The following USP40 variants were observed in gnomAD, a reference collection of about 807,000 sequenced individuals.
The protein encoded by USP40 is ubiquitin carboxyl-terminal hydrolase 40.
USP40 carries 143 observed loss-of-function variants against 166.2 expected under a neutral mutation model. The observed-to-expected ratio is 0.86, with a 90% CI of 0.75 to 0.99. The LOEUF is 0.99. Ranked by LOEUF, USP40 falls within the 50% of genes least tolerant of loss-of-function variation. The pLI, the probability that USP40 is intolerant of heterozygous loss-of-function variation, is 0.00. For missense variants in USP40, 1,444 were observed against 1,479.7 expected (o/e 0.98, Z 0.40); for synonymous variants, 498 against 524.0 (o/e 0.95, Z 0.68).
chr2:233,524,577 C>G lies in USP40; in HGVS notation c.1811-15G>C, dbSNP rs777449240. On this transcript the variant is annotated splice_polypyrimidine_tract_variant and intron_variant, in intron 14 of 31. Coordinates refer to ENST00000678225, the MANE Select transcript of USP40 (RefSeq NM_001365479.2). ...CAGTTCATCCCCTAGAAAGAGATCACCAGTGAGACCATTCATCATGACCAT... is the reference window on the plus strand; with the variant it reads ...CAGTTCATCCCCTAGAAAGAGATCAGCAGTGAGACCATTCATCATGACCAT... 10 of 1,568,930 alleles carry G rather than the reference C, an allele frequency of 6.4e-6. No individual in the cohort carries two copies. In the South Asian group the frequency reaches 1.2e-4, roughly 19 times the overall value.
chr2:233,566,756 G>A lies in USP40; in HGVS notation c.-92C>T, dbSNP rs1380371635. 2.0e-6 allele frequency: 2 copies of A among 985,836 alleles called. No homozygotes were observed. Among genetic ancestry groups the A allele is most frequent in the East Asian group, 1.1e-4 (1 of 8,828 alleles). The allele number at this position is 985,836 out of a possible 1,614,324, so 61.1% of individuals were successfully genotyped here. A position where few individuals can be genotyped will look rare whatever the true frequency, so the allele number is the denominator to read the frequency against. ...ACCCGCCCCAACTGGGCGCCGCCATGTTGGCGAGGGCGGGTCTCCAGAAAG... is the reference window on the plus strand; with the variant it reads ...ACCCGCCCCAACTGGGCGCCGCCATATTGGCGAGGGCGGGTCTCCAGAAAG... On this transcript the variant is annotated 5_prime_UTR_variant, in exon 1 of 32. Coordinates refer to ENST00000678225, the MANE Select transcript of USP40 (RefSeq NM_001365479.2).
At chr2:233,543,278 A>C (rs1219885967) in intron 8 of USP40, among the ~76,000 whole-genome samples, 3 of 152,224 alleles carry the variant, frequency 2.0e-5, no homozygotes, top group Non-Finnish European at 2.9e-5. Flanking sequence ...ATGGCAGGCC[A>C]GATACAACCA....
At chr2:233,547,973 T>C (rs933532660) in intron 8 of USP40, among the ~76,000 whole-genome samples, 8 of 151,970 alleles carry the variant, frequency 5.3e-5, no homozygotes, top group Non-Finnish European at 1.0e-4. Flanking sequence ...TCAAGACTTA[T>C]TACAAAGCTA....
intron 6 of USP40, among the ~76,000 whole-genome samples, chr2:233,552,093 T>C (rs1407935440): frequency 6.6e-6 from 1 of 152,042 alleles, no homozygotes; most frequent in African/African-American, 2.4e-5. Context: ...TCTTGGATTA[T>C]TGGTCTGTGA....
At position 233,480,588 on chromosome 2, in the gene USP40, G is replaced by A. The variant is rs538923189; in HGVS notation, c.3599+615C>T. 1.3e-5 allele frequency among the ~76,000 whole-genome samples: 2 copies of A among 152,276 alleles called. No individual in the cohort carries two copies. The highest frequency in any genetic ancestry group is 2.4e-5 in the African/African-American group (1 of 41,474). On this transcript the variant is annotated intron_variant, in intron 31 of 31. Coordinates refer to ENST00000678225, the MANE Select transcript of USP40 (RefSeq NM_001365479.2). This position sits in a 1 kb window ranked among gnomAD's most constrained non-coding sequence, Gnocchi z 4.5. Reference sequence around the variant, plus strand: ...GCAGCACCTGCTTCCTCCAGTGGCAGTAAGTGCAGAGCCAGACAACGGCAG... The same window carrying A: ...GCAGCACCTGCTTCCTCCAGTGGCAATAAGTGCAGAGCCAGACAACGGCAG...
intron 21 of USP40, among the ~76,000 whole-genome samples, chr2:233,502,365 G>T (rs1385664125): frequency 6.6e-6 from 1 of 152,180 alleles, no homozygotes; most frequent in African/African-American, 2.4e-5. Context: ...AGGACTGGAA[G>T]TGTTGGATTT....
At chr2:233,494,373 C>A (rs1023636194) in intron 24 of USP40, among the ~76,000 whole-genome samples, 6 of 151,826 alleles carry the variant, frequency 4.0e-5, no homozygotes, top group Admixed American at 2.6e-4. Flanking sequence ...GGAATATAAA[C>A]TGCTGAGAAG....
intron 21 of USP40, among the ~76,000 whole-genome samples, chr2:233,506,240 C>T (rs2066409065): frequency 6.6e-6 from 1 of 152,158 alleles, no homozygotes; most frequent in African/African-American, 2.4e-5. Flanking sequence ...CAAGAACACA[C>T]ATTGGGAAAA....
Position 233,511,805 on chromosome 2 carries a change from A to T in USP40, c.2438-8T>A. 1 of 1,594,690 alleles carries T rather than the reference A, an allele frequency of 6.3e-7. No homozygotes were observed. Among genetic ancestry groups the T allele is most frequent in the Non-Finnish European group, 8.5e-7 (1 of 1,170,304 alleles). ...AAGTATAGCTGTCCGGCACTTAAAA[A>T]AATTTTGATAATATGATGAAGGTTA... On this transcript the variant is annotated splice_polypyrimidine_tract_variant and splice_region_variant and intron_variant, in intron 19 of 31. Transcript: ENST00000678225.
chr2:233,491,385 C>T, intron 25 of USP40, 124 bp from the exon 26 acceptor site: 2 of 753,030 alleles, frequency 2.7e-6, no homozygotes, highest in East Asian at 5.4e-5. Flanking sequence ...GCCTCTGCAT[C>T]CAAGTCTTAT....
chr2:233,535,151 C>A (rs151247309), intron 10 of USP40, among the ~76,000 whole-genome samples: 7 of 152,228 alleles, frequency 4.6e-5, no homozygotes, highest in South Asian at 2.1e-4. Context: ...CGAGATCCCA[C>A]GAAGGAGCCC....
At position 233,488,337 on chromosome 2, in the gene USP40, G is replaced by A. The variant is rs1467273198; in HGVS notation, c.3132-33C>T. On this transcript the variant is annotated intron_variant, in intron 27 of 31. Transcript: ENST00000678225. ...TAAGTGAAACAAGATAATATTGAGT[G>A]ACATAACATTTAATTTTCTTGAATT... 42 of 1,512,520 alleles carry A rather than the reference G, an allele frequency of 2.8e-5. 1 individual carries two copies. The highest frequency in any genetic ancestry group is 3.8e-5 in the Non-Finnish European group (42 of 1,118,922). 93.7% of individuals were successfully genotyped at this position (1,512,520 alleles called of 1,614,324 possible). A position where few individuals can be genotyped will look rare whatever the true frequency, so the allele number is the denominator to read the frequency against.
chr2:233,484,232 T>C (rs1292373046), intron 30 of USP40, among the ~76,000 whole-genome samples: 2 of 152,234 alleles, frequency 1.3e-5, no homozygotes, highest in East Asian at 3.8e-4. Context: ...ATTAATTTTA[T>C]TTAATCTAAT....
At chr2:233,542,887 T>C (rs912349321) in intron 8 of USP40, among the ~76,000 whole-genome samples, 2 of 152,196 alleles carry the variant, frequency 1.3e-5, no homozygotes, top group African/African-American at 4.8e-5. Context: ...GGTTCCAATA[T>C]TTTCCAGCTT....
At chr2:233,550,795 C>T (rs1193861040) in intron 7 of USP40, among the ~76,000 whole-genome samples, 2 of 152,064 alleles carry the variant, frequency 1.3e-5, no homozygotes, top group African/African-American at 2.4e-5. Flanking sequence ...TTTTCTTTCC[C>T]TATGTCTTAA....
rs562048941 is a variant in USP40 at position 233,519,713 on chromosome 2, GGGA to G, written c.2326-45_2326-43del. The G allele has an allele frequency of 2.6e-3, 2,985 of 1,126,632 alleles. 4 individuals carry two copies. Among genetic ancestry groups the G allele is most frequent in the Non-Finnish European group, 2.8e-3 (2,212 of 791,456 alleles). The allele number at this position is 1,126,632 out of a possible 1,614,324, so 69.8% of individuals were successfully genotyped here. ...AAATAATGACTAAGTTGTAAAAAAT[GGGA>G]GGAGATGAAAATGAGGATTGTCACT... On this transcript the variant is annotated intron_variant, in intron 17 of 31. Transcript: ENST00000678225.
chr2:233,498,665 T>C, intron 22 of USP40, 53 bp from the exon 23 acceptor site: 1 of 1,458,664 alleles, frequency 6.9e-7, no homozygotes, highest in Non-Finnish European at 9.5e-7. Flanking sequence ...GGTGAGACGT[T>C]GCGTGTAACT....
intron 18 of USP40, among the ~76,000 whole-genome samples, chr2:233,514,388 A>G (rs760197186): frequency 6.6e-6 from 1 of 152,248 alleles, no homozygotes; most frequent in African/African-American, 2.4e-5. Context: ...AGCTGAAGTT[A>G]AAAGCAAAGG....
chr2:233,485,872 GC>G lies in USP40; in HGVS notation c.3302del (p.Gly1101AlafsTer3). ...AATCGGCAACTCTCTGCCTCAGGGA[GC>G]CGGCAGTCCCACCCTGGGCCGCGTT... is the stretch of plus-strand genomic sequence containing the variant. ...VWNAAQGGTAGSLRQRVADFY... is the reference protein window; with the variant it reads ...VWNAAQGGTAXSLRQRVADFY... On this transcript the variant is annotated frameshift_variant, in exon 29 of 32. Coordinates refer to ENST00000678225, the MANE Select transcript of USP40 (RefSeq NM_001365479.2). LOFTEE classifies it high-confidence loss of function. The G allele has an allele frequency of 6.2e-7, 1 of 1,607,818 alleles. No individual in the cohort carries two copies. Among genetic ancestry groups the G allele is most frequent in the Non-Finnish European group, 8.5e-7 (1 of 1,177,424 alleles).
Sources: gnomAD v4.1 joint callset for allele counts (sites outside exome capture counted in the v4.1 genomes callset) on GRCh38, gnomAD v4.1.1 for gene constraint, Gnocchi (gnomAD v3.1) non-coding constraint, MANE v1.5 for transcripts, NCBI Gene and HGNC (gene_info 2026-07-23, HGNC 2026-07-21) for gene names.